Variants in NECAB1 observed in about 807,000 individuals in gnomAD.
The protein encoded by NECAB1 is N-terminal EF-hand calcium binding protein 1, also known as N-terminal EF-hand calcium-binding protein 1.
NECAB1 carries 29 observed loss-of-function variants against 57.5 expected under a neutral mutation model. The ratio of observed to expected loss-of-function variants is 0.50; its 90% CI spans 0.38 to 0.69. The LOEUF is 0.69. Ranked by LOEUF, NECAB1 falls within the 30% of genes least tolerant of loss-of-function variation. The pLI is 0.00. For missense variants in NECAB1, 372 were observed against 413.8 expected, an observed-to-expected ratio of 0.90 and a Z score of 0.88; for synonymous variants, 142 against 147.7, an observed-to-expected ratio of 0.96 and a Z score of 0.28.
intron 2 of NECAB1, among the ~76,000 whole-genome samples, chr8:90,822,888 T>C (rs1207847623): frequency 6.6e-6 from 1 of 151,632 alleles, no homozygotes; most frequent in Non-Finnish European, 1.5e-5. Flanking sequence ...AAACAGTACA[T>C]GAAAAGGTCT....
At chr8:90,943,411 A>ATT (rs1563544473) in intron 10 of NECAB1, among the ~76,000 whole-genome samples, 2 of 152,196 alleles carry the variant, frequency 1.3e-5, no homozygotes, top group Admixed American at 1.3e-4. Context: ...ACTATATCAG[A>ATT]TGGAATGAGC....
intron 5 of NECAB1, among the ~76,000 whole-genome samples, chr8:90,885,231 G>A (rs545217617): frequency 4.5e-4 from 69 of 152,316 alleles, no homozygotes; most frequent in African/African-American, 1.7e-3. Flanking sequence ...ACAAGGTGGT[G>A]GCTAAGGTGG....
At chr8:90,879,143 C>CGA (rs1199783435) in intron 4 of NECAB1, among the ~76,000 whole-genome samples, 2 of 136,892 alleles carry the variant, frequency 1.5e-5, no homozygotes, top group Non-Finnish European at 3.1e-5. Context: ...ATATATATAT[C>CGA]GAGAGAGAGA....
intron 3 of NECAB1, among the ~76,000 whole-genome samples, chr8:90,850,131 G>GAC (rs1225798308): frequency 6.6e-6 from 1 of 151,734 alleles, no homozygotes; most frequent in African/African-American, 2.4e-5. Context: ...GCAAGGAACA[G>GAC]AGAGAGAGAT....
intron 8 of NECAB1, among the ~76,000 whole-genome samples, chr8:90,929,365 T>TA (rs1810352479): frequency 6.6e-6 from 1 of 152,080 alleles, no homozygotes; most frequent in African/African-American, 2.4e-5. Flanking sequence ...ATTTCTCTAA[T>TA]AAAAAAGAGA....
intron 5 of NECAB1, among the ~76,000 whole-genome samples, chr8:90,894,998 C>G (rs1169180464): frequency 2.0e-5 from 3 of 152,114 alleles, no homozygotes; most frequent in African/African-American, 7.2e-5. Flanking sequence ...GGGCTTGTTT[C>G]TGGGAGAACT....
intron 2 of NECAB1, among the ~76,000 whole-genome samples, chr8:90,820,883 C>T (rs1042476282): frequency 6.6e-6 from 1 of 151,754 alleles, no homozygotes; most frequent in Non-Finnish European, 1.5e-5. Flanking sequence ...CCATATCTAC[C>T]ATTGTTGAAC....
chr8:90,802,249 T>C (rs534070613), intron 2 of NECAB1, among the ~76,000 whole-genome samples: 1 of 152,332 alleles, frequency 6.6e-6, no homozygotes, highest in East Asian at 1.9e-4. Context: ...GCCACTGCTT[T>C]CCTATTTGAA....
intron 5 of NECAB1, among the ~76,000 whole-genome samples, chr8:90,881,526 G>A (rs1808838310): frequency 1.3e-5 from 2 of 152,174 alleles, no homozygotes; most frequent in Non-Finnish European, 1.5e-5. Context: ...TCCTGATGTT[G>A]AATGAGTGAG....
chr8:90,873,499 A>C (rs577175789), intron 4 of NECAB1, among the ~76,000 whole-genome samples: 5 of 152,348 alleles, frequency 3.3e-5, no homozygotes, highest in Non-Finnish European at 5.9e-5. Flanking sequence ...TGGTCAGTGA[A>C]GTGAAAAGAT....
rs556021663 is a variant in NECAB1 at position 90,861,705 on chromosome 8, C to T, written c.234-10423C>T. Among the ~76,000 whole-genome samples, 7 of 152,286 alleles carry T rather than the reference C, an allele frequency of 4.6e-5. No individual in the cohort carries two copies. In the South Asian group the frequency reaches 1.0e-3, roughly 23 times the overall value. ...TGAATATATTAGGTTATTCGATCTT[C>T]ACAAACAATGTTGTGAAAAAAATAT... is the stretch of plus-strand genomic sequence containing the variant. On this transcript the variant is annotated intron_variant, in intron 3 of 12. Transcript: ENST00000417640.
chr8:90,802,599 A>C (rs1287814666), intron 2 of NECAB1, among the ~76,000 whole-genome samples: 4 of 152,202 alleles, frequency 2.6e-5, no homozygotes, highest in Non-Finnish European at 5.9e-5. Flanking sequence ...GATTACAGGC[A>C]GAGTCCAGAT....
Position 90,934,287 on chromosome 8 carries a change from T to A in NECAB1, c.694-17T>A. ...ATAATTTTTTTTCTTTTCTGCCATT[T>A]CTTCCTCTTATTGAAGGATCTCAAA... On this transcript the variant is annotated splice_polypyrimidine_tract_variant and intron_variant, in intron 8 of 12. Transcript: ENST00000417640. 6.6e-7 allele frequency: 1 copy of A among 1,507,818 alleles called. No individual in the cohort carries two copies. Among genetic ancestry groups the A allele is most frequent in the Non-Finnish European group, 8.9e-7 (1 of 1,127,188 alleles). 93.4% of individuals were successfully genotyped at this position (1,507,818 alleles called of 1,614,324 possible).
intron 2 of NECAB1, 78 bp from the exon 3 acceptor site, chr8:90,824,639 G>T: frequency 2.3e-6 from 2 of 879,300 alleles, no homozygotes; most frequent in East Asian, 2.7e-5. Flanking sequence ...CAAGCGTTTG[G>T]GTGAAGTTTT....
intron 10 of NECAB1, among the ~76,000 whole-genome samples, chr8:90,944,768 G>C (rs757414686): frequency 6.6e-6 from 1 of 152,136 alleles, no homozygotes; most frequent in Non-Finnish European, 1.5e-5. Context: ...TACGAAATTC[G>C]AGAATTTGAA....
In NECAB1 at chr8:90,896,608, AAAAAACAAAAAC is replaced by A. The variant is rs377294530; in HGVS notation, c.357+15496_357+15507del. 1.1e-4 allele frequency among the ~76,000 whole-genome samples: 17 copies of A among 150,066 alleles called. 1 individual carries two copies. The South Asian group carries it at 1.5e-3, about 13-fold the overall frequency. ...CGACAGAGCGAGACTCCGTCTCAAA[AAAAAACAAAAAC>A]AAAAACAAAAACAAAAAAAACAAAC... On this transcript the variant is annotated intron_variant, in intron 5 of 12. Transcript: ENST00000417640.
chr8:90,860,750 G>C (rs181177431), intron 3 of NECAB1, among the ~76,000 whole-genome samples: 1 of 152,154 alleles, frequency 6.6e-6, no homozygotes, highest in African/African-American at 2.4e-5. Context: ...TGGTCAGAGA[G>C]ATAATTGCAA....
intron 4 of NECAB1, among the ~76,000 whole-genome samples, chr8:90,876,168 C>G (rs1808723390): frequency 6.6e-6 from 1 of 152,158 alleles, no homozygotes; most frequent in Non-Finnish European, 1.5e-5. Flanking sequence ...GGACAGTGCT[C>G]AGAGACCTGT....
intron 7 of NECAB1, among the ~76,000 whole-genome samples, chr8:90,927,182 T>G (rs1047645401): frequency 2.0e-5 from 3 of 149,546 alleles, no homozygotes; most frequent in Non-Finnish European, 4.4e-5. Context: ...TTTTCTCCAA[T>G]CAGCCCCTTT....
Sources: allele counts gnomAD v4.1 joint callset (sites outside exome capture counted in the v4.1 genomes callset), GRCh38; gene constraint gnomAD v4.1.1; transcripts MANE v1.5; gene names NCBI Gene and HGNC (gene_info 2026-07-23, HGNC 2026-07-21).